PSME4: variants seen among roughly 807,000 people sequenced by gnomAD.
PSME4 encodes the protein proteasome activator subunit 4.
A neutral mutation model predicts 253.9 loss-of-function variants in PSME4; 89 were observed. That is an observed-to-expected ratio of 0.35 (90% CI 0.30 to 0.42). The LOEUF (loss-of-function observed/expected upper bound fraction) is 0.42. Ranked by LOEUF, PSME4 falls within the 10% of genes least tolerant of loss-of-function variation. The pLI, the probability that PSME4 is intolerant of heterozygous loss-of-function variation, is 1.00. For synonymous variants in PSME4, 851 were observed against 759.2 expected (o/e 1.12, Z -1.99); for missense variants, 2,014 against 2,195.2 (o/e 0.92, Z 1.65).
At chr2:53,887,596 T>C in intron 39 of PSME4, 129 bp from the exon 40 acceptor site, 2 of 946,618 alleles carry the variant, frequency 2.1e-6, no homozygotes, top group Non-Finnish European at 3.1e-6. Flanking sequence ...AGATTATGCC[T>C]GTGTGTAAAA....
chr2:53,950,200 A>T (rs1386822715), intron 1 of PSME4, among the ~76,000 whole-genome samples: 1 of 151,848 alleles, frequency 6.6e-6, no homozygotes, highest in Non-Finnish European at 1.5e-5. Context: ...GGATCACTGG[A>T]GCCCAGGAAG....
chr2:53,967,926 G>A (rs1173914109), intron 1 of PSME4, among the ~76,000 whole-genome samples: 1 of 151,972 alleles, frequency 6.6e-6, no homozygotes, highest in African/African-American at 2.4e-5. Flanking sequence ...TGTGAAGCTT[G>A]ACAGGATTAA....
chr2:53,967,189 C>T (rs1288595653), intron 1 of PSME4, among the ~76,000 whole-genome samples: 2 of 152,146 alleles, frequency 1.3e-5, no homozygotes, highest in Non-Finnish European at 2.9e-5. Context: ...TGATGTGTTA[C>T]ATCACACAAC....
chr2:53,887,577 G>A (rs1242861485), intron 39 of PSME4, 110 bp from the exon 40 acceptor site: 4 of 1,043,178 alleles, frequency 3.8e-6, no homozygotes, highest in South Asian at 1.7e-5. Flanking sequence ...AATTCCTGGA[G>A]TGGGTCTTAG....
At chr2:53,913,690 G>GA (rs1037608031) in intron 20 of PSME4, among the ~76,000 whole-genome samples, 3 of 152,172 alleles carry the variant, frequency 2.0e-5, no homozygotes, top group African/African-American at 7.2e-5. Context: ...AAACACAAAT[G>GA]AAAACCTGGC....
chr2:53,932,605 T>C (rs574400594), intron 9 of PSME4, 63 bp downstream of exon 9: 11 of 1,325,556 alleles, frequency 8.3e-6, no homozygotes, highest in East Asian at 4.6e-5. Flanking sequence ...CAATAGGCAA[T>C]AGTCAAGGAT....
At chr2:53,883,437 C>A (rs1473592089) in intron 41 of PSME4, among the ~76,000 whole-genome samples, 3 of 152,122 alleles carry the variant, frequency 2.0e-5, no homozygotes, top group Non-Finnish European at 4.4e-5. Context: ...GAGATTGACG[C>A]TGCAGTGAGC....
At chr2:53,929,156 ACT>A (rs1287979686) in intron 10 of PSME4, among the ~76,000 whole-genome samples, 2 of 117,358 alleles carry the variant, frequency 1.7e-5, no homozygotes, top group Non-Finnish European at 3.5e-5. Flanking sequence ...ACAGAGCAAG[ACT>A]CTGTCTCAAA....
At position 53,922,022 on chromosome 2, in the gene PSME4, A is replaced by G. The variant is rs548411628; in HGVS notation, c.2046+495T>C. Among the ~76,000 whole-genome samples, 16 of 148,924 alleles carry G rather than the reference A, an allele frequency of 1.1e-4. No individual in the cohort carries two copies. In the East Asian group the frequency reaches 3.2e-3, roughly 30 times the overall value. ...CCCGTCTCTACTAAAAATACAAAAA[A>G]TTAGCCGGGCGTGGTGGCGGATGCC... is the stretch of plus-strand genomic sequence containing the variant. On this transcript the variant is annotated intron_variant, in intron 17 of 46. Transcript: ENST00000404125.
chr2:53,902,046 G>A lies in PSME4; in HGVS notation c.3076-487C>T, dbSNP rs528055150. On this transcript the variant is annotated intron_variant, in intron 27 of 46. Transcript: ENST00000404125. ...TGTGCCACTGTACTCCAGCTTAGGT[G>A]ACACAGCAGGACCCTGTCTCCAAAA... Among the ~76,000 whole-genome samples the A allele has an allele frequency of 6.1e-3, 923 of 152,248 alleles. 5 individuals are homozygous for A. The highest frequency in any genetic ancestry group is 0.021 in the African/African-American group (881 of 41,536).
At chr2:53,874,598 C>T (rs1679037066) in intron 42 of PSME4, 104 bp from the exon 43 acceptor site, 1 of 1,143,266 alleles carries the variant, frequency 8.7e-7, no homozygotes. Context: ...TAATTTAACT[C>T]TATTTACACA....
At chr2:53,940,867 T>TATTTAAATATATATAATAC (rs1553338338) in intron 3 of PSME4, among the ~76,000 whole-genome samples, 3,137 of 113,930 alleles carry the variant, frequency 0.028, 277 homozygotes, top group South Asian at 0.04. Context: ...ATATATAATA[T>TATTTAAATATATATAATAC]ATATTTAAAT....
At chr2:53,918,905 C>T (rs1223403110) in intron 20 of PSME4, among the ~76,000 whole-genome samples, 1 of 152,112 alleles carries the variant, frequency 6.6e-6, no homozygotes, top group Non-Finnish European at 1.5e-5. Flanking sequence ...AACTTAATAT[C>T]TCCACATTTG....
In PSME4 at chr2:53,934,738, A is replaced by G; in HGVS notation, c.835-11T>C. The G allele has an allele frequency of 6.4e-7, 1 of 1,559,744 alleles. No individual in the cohort carries two copies. Among genetic ancestry groups the G allele is most frequent in the Non-Finnish European group, 8.8e-7 (1 of 1,135,974 alleles). ...AATTCTTGTAAATATCTTTTAAAAGAAAAAAATAAGTAAGGATATTTACAG... is the reference window on the plus strand; with the variant it reads ...AATTCTTGTAAATATCTTTTAAAAGGAAAAAATAAGTAAGGATATTTACAG... On this transcript the variant is annotated splice_polypyrimidine_tract_variant and intron_variant, in intron 7 of 46. Coordinates refer to ENST00000404125, the MANE Select transcript of PSME4 (RefSeq NM_014614.3).
In PSME4 at chr2:53,904,095, C is replaced by A; in HGVS notation, c.3005G>T (p.Arg1002Ile). ...CTCCAAAACCAAGGGAATGATATCT[C>A]TGCAACAGAAGTTATATGCTCCCAA... ...AALGAYNFCC[R>I]DIIPLVLEFL... is the part of the protein sequence containing the mutation. The change falls in exon 27 of 47, where the codon AGA becomes ATA. Residue 1002 changes from arginine (R) to isoleucine (I), a missense_variant. Transcript: ENST00000404125. The A allele has an allele frequency of 6.2e-7, 1 of 1,613,834 alleles. No homozygotes were observed. The highest frequency in any genetic ancestry group is 8.5e-7 in the Non-Finnish European group (1 of 1,179,828).
chr2:53,963,799 ATTTT>A (rs1670596503), intron 1 of PSME4, among the ~76,000 whole-genome samples: 1 of 152,142 alleles, frequency 6.6e-6, no homozygotes, highest in Non-Finnish European at 1.5e-5. Context: ...ATAGATGTTA[ATTTT>A]TTTAGGTTTT....
At chr2:53,970,106 GGGAA>G (rs1273034844) in intron 1 of PSME4, among the ~76,000 whole-genome samples, 1 of 152,158 alleles carries the variant, frequency 6.6e-6, no homozygotes, top group Non-Finnish European at 1.5e-5. Context: ...GGGATCGTAG[GGGAA>G]GGAAGAACCG....
chr2:53,937,416 G>C lies in PSME4; in HGVS notation c.670C>G (p.Pro224Ala). 1 of 1,606,178 alleles carries C rather than the reference G, an allele frequency of 6.2e-7. No homozygotes were observed. Among genetic ancestry groups the C allele is most frequent in the South Asian group, 1.1e-5 (1 of 89,980 alleles). The change falls in exon 5 of 47, where the codon CCA (proline) becomes GCA (alanine). Residue 224 changes from proline to alanine, a missense_variant. This residue lies in a region of PSME4 where 615 missense variants were observed against 594.4 expected (regional missense o/e 1.03). Transcript: ENST00000404125. ...TTAAAACCTTTATGATGAAGTTCTG[G>C]AGGAAGGGAGGTAGGAAGAAATATT... ...FEIFLPTSLP[P>A]ELHHKGFKLW...
intron 20 of PSME4, among the ~76,000 whole-genome samples, chr2:53,918,012 A>G (rs1415937745): frequency 6.6e-6 from 1 of 152,234 alleles, no homozygotes. Context: ...AAAAAGTTCA[A>G]TGCCTAAGAA....
Sources: gnomAD v4.1 joint callset for allele counts (sites outside exome capture counted in the v4.1 genomes callset) on GRCh38, gnomAD v4.1.1 for gene constraint, gnomAD v4.1.1 regional missense constraint, MANE v1.5 for transcripts, NCBI Gene and HGNC (gene_info 2026-07-23, HGNC 2026-07-21) for gene names.